CTNND2: variants seen among roughly 807,000 people sequenced by gnomAD.
CTNND2 encodes the protein catenin delta-2.
Under a neutral mutation model 144.4 loss-of-function variants are expected in CTNND2, and 22 were observed. The ratio of observed to expected loss-of-function variants is 0.15; its 90% CI spans 0.11 to 0.22. CTNND2 has a LOEUF of 0.22. CTNND2 is among the 10% of genes least tolerant of loss of function. The probability of loss-of-function intolerance (pLI) is 1.00; values close to 1 mark genes in which losing one functional copy is unlikely to be tolerated. For missense variants in CTNND2, 1,353 were observed against 1,618.8 expected (o/e 0.84, Z 2.82); for synonymous variants, 751 against 695.6 (o/e 1.08, Z -1.25).
chr5:11,633,278 C>A (rs1781503526), intron 2 of CTNND2, among the ~76,000 whole-genome samples: 2 of 151,986 alleles, frequency 1.3e-5, no homozygotes, highest in Admixed American at 1.3e-4. Context: ...CAAGAGAATG[C>A]CAACAAAATT....
intron 1 of CTNND2, among the ~76,000 whole-genome samples, chr5:11,825,701 CAAAGAT>C (rs1257569279): frequency 2.0e-5 from 3 of 151,728 alleles, no homozygotes; most frequent in African/African-American, 7.3e-5. Context: ...TGCTGAAAAT[CAAAGAT>C]AAAGATAAAC....
chr5:11,153,607 T>C (rs1193615071), intron 12 of CTNND2, among the ~76,000 whole-genome samples: 6 of 152,134 alleles, frequency 3.9e-5, no homozygotes, highest in Non-Finnish European at 8.8e-5. Flanking sequence ...CACTCATCCA[T>C]TTTATGGGTT....
At chr5:11,589,312 C>CACACACA (rs761346317) in intron 2 of CTNND2, among the ~76,000 whole-genome samples, 1 of 149,298 alleles carries the variant, frequency 6.7e-6, no homozygotes, top group Admixed American at 6.7e-5. Flanking sequence ...CACACACACA[C>CACACACA]GACAACAACA....
chr5:11,201,317 C>T (rs534205289), intron 10 of CTNND2, among the ~76,000 whole-genome samples: 3 of 152,252 alleles, frequency 2.0e-5, no homozygotes, highest in Non-Finnish European at 2.9e-5. Flanking sequence ...TTACTTGCTA[C>T]GTTGGTGTTG....
intron 14 of CTNND2, among the ~76,000 whole-genome samples, chr5:11,108,095 G>A (rs1752599597): frequency 1.3e-5 from 2 of 152,204 alleles, no homozygotes; most frequent in African/African-American, 2.4e-5. Context: ...TGGAGAAGTA[G>A]ATTAGGGAGT....
intron 1 of CTNND2, among the ~76,000 whole-genome samples, chr5:11,858,640 T>C (rs1206681396): frequency 6.6e-6 from 1 of 152,172 alleles, no homozygotes; most frequent in Non-Finnish European, 1.5e-5. Context: ...TAAGAATAAG[T>C]AAGAACAGGC....
At chr5:11,328,140 A>C (rs1335971166) in intron 9 of CTNND2, among the ~76,000 whole-genome samples, 1 of 152,194 alleles carries the variant, frequency 6.6e-6, no homozygotes, top group Admixed American at 6.5e-5. Flanking sequence ...TGATTTATAC[A>C]TATGTTTAAT....
intron 1 of CTNND2, among the ~76,000 whole-genome samples, chr5:11,882,767 T>A (rs1736222662): frequency 6.6e-6 from 1 of 152,174 alleles, no homozygotes; most frequent in Non-Finnish European, 1.5e-5. Flanking sequence ...TTCTTCTTGC[T>A]CAGGATTGCT....
chr5:11,887,616 T>C (rs1027712401), intron 1 of CTNND2, among the ~76,000 whole-genome samples: 1 of 152,214 alleles, frequency 6.6e-6, no homozygotes, highest in African/African-American at 2.4e-5. Flanking sequence ...GTATGGCACA[T>C]TTGTTATAAT....
intron 17 of CTNND2, among the ~76,000 whole-genome samples, chr5:11,019,444 G>T (rs1741998299): frequency 6.6e-6 from 1 of 152,186 alleles, no homozygotes; most frequent in African/African-American, 2.4e-5. Flanking sequence ...GTGCAAAAAT[G>T]CTTCTGAGTA....
At chr5:11,186,136 C>T (rs1735597926) in intron 11 of CTNND2, among the ~76,000 whole-genome samples, 1 of 152,222 alleles carries the variant, frequency 6.6e-6, no homozygotes, top group Non-Finnish European at 1.5e-5. Flanking sequence ...AGATACATCT[C>T]ACGTCACCAG....
chr5:11,418,056 C>T (rs1164319133), intron 3 of CTNND2, among the ~76,000 whole-genome samples: 5 of 152,022 alleles, frequency 3.3e-5, no homozygotes, highest in South Asian at 2.1e-4. Flanking sequence ...CTTGTTATAA[C>T]ATGTCTGAAC....
rs1780001590 is a variant in CTNND2, at chr5:11,605,544, A to C, written c.175-40488T>G. ...TAAAGAAAGCCATTAGAGGTATCTA[A>C]GTGACATGATCTTGCAGGTGCTGTT... On this transcript the variant is annotated intron_variant, in intron 2 of 21. Transcript: ENST00000304623. Among the ~76,000 whole-genome samples the C allele has an allele frequency of 2.0e-5, 3 of 152,212 alleles. No individual in the cohort carries two copies. In the South Asian group the frequency reaches 6.2e-4, roughly 32 times the overall value.
At chr5:11,046,617 T>A (rs1018464146) in intron 16 of CTNND2, among the ~76,000 whole-genome samples, 3 of 152,228 alleles carry the variant, frequency 2.0e-5, no homozygotes, top group Non-Finnish European at 2.9e-5. Flanking sequence ...AATAATCATG[T>A]CTCATCAGTC....
In CTNND2 at chr5:11,770,458, AGGAAGG is replaced by A. The variant is rs1326598867; in HGVS notation, c.38-38192_38-38187del. Reference sequence around the variant, plus strand: ...AAGGAAGGAAGGAAGGAAGGAAGGAAGGAAGGGGTAGGGGTAGGGGAAGGGGAAGGA... The same window carrying A: ...AAGGAAGGAAGGAAGGAAGGAAGGAAGGTAGGGGTAGGGGAAGGGGAAGGA... On this transcript the variant is annotated intron_variant, in intron 1 of 21. Coordinates refer to ENST00000304623, the MANE Select transcript of CTNND2 (RefSeq NM_001332.4). Among the ~76,000 whole-genome samples the A allele has an allele frequency of 4.3e-3, 518 of 119,662 alleles. 8 individuals carry two copies. The highest frequency in any genetic ancestry group is 0.015 in the African/African-American group (464 of 30,164). The allele number at this position is 119,662 out of a possible 152,430, so 78.5% of individuals were successfully genotyped here. A position where few individuals can be genotyped will look rare whatever the true frequency, so the allele number is the denominator to read the frequency against.
At chr5:11,584,790 C>T (rs1778711893) in intron 2 of CTNND2, among the ~76,000 whole-genome samples, 1 of 152,060 alleles carries the variant, frequency 6.6e-6, no homozygotes, top group South Asian at 2.1e-4. Flanking sequence ...ATTGGTAATT[C>T]TTAGGACCCT....
At chr5:11,698,265 T>C (rs971837560) in intron 2 of CTNND2, among the ~76,000 whole-genome samples, 3 of 151,938 alleles carry the variant, frequency 2.0e-5, no homozygotes, top group Non-Finnish European at 4.4e-5. Context: ...ATTGTATTTC[T>C]TGTATTAAAG....
At chr5:11,645,709 C>T (rs548473919) in intron 2 of CTNND2, among the ~76,000 whole-genome samples, 3 of 151,986 alleles carry the variant, frequency 2.0e-5, no homozygotes, top group Non-Finnish European at 2.9e-5. Context: ...ATTTTTAGAC[C>T]AGGGAAATAA....
At chr5:11,479,399 T>C (rs1406684154) in intron 3 of CTNND2, among the ~76,000 whole-genome samples, 4 of 152,238 alleles carry the variant, frequency 2.6e-5, no homozygotes, top group African/African-American at 9.6e-5. Context: ...CAATGTACCT[T>C]TGATGGGCAT....
Sources: allele counts gnomAD v4.1 joint callset (sites outside exome capture counted in the v4.1 genomes callset), GRCh38; gene constraint gnomAD v4.1.1; transcripts MANE v1.5; gene names NCBI Gene and HGNC (gene_info 2026-07-23, HGNC 2026-07-21).